PLD5: variants seen among roughly 807,000 people sequenced by gnomAD.
PLD5 encodes inactive phospholipase D5.
In PLD5, 36 loss-of-function variants were observed where a neutral mutation model predicts 61.1. The ratio of observed to expected loss-of-function variants is 0.59; its 90% CI spans 0.45 to 0.78. The LOEUF (loss-of-function observed/expected upper bound fraction) is 0.78, where lower values mean the gene tolerates loss of function less well. PLD5 is among the 30% of genes least tolerant of loss of function. The probability of loss-of-function intolerance (pLI) is 0.00; values close to 1 mark genes in which losing one functional copy is unlikely to be tolerated. For synonymous variants in PLD5, 243 were observed against 242.8 expected (o/e 1.00, Z -0.01); for missense variants, 515 against 644.4 (o/e 0.80, Z 2.17).
chr1:242,376,232 A>ATTCCTT (rs1661946198), intron 1 of PLD5, among the ~76,000 whole-genome samples: 1 of 152,144 alleles, frequency 6.6e-6, no homozygotes, highest in African/African-American at 2.4e-5. Context: ...GAACTGAGGA[A>ATTCCTT]ATCAGCCTTC....
At chr1:242,202,547 G>T (rs1434973182) in intron 5 of PLD5, among the ~76,000 whole-genome samples, 2 of 152,152 alleles carry the variant, frequency 1.3e-5, no homozygotes, top group Non-Finnish European at 2.9e-5. Context: ...TCCAGCCCAT[G>T]CCTGTGACAG....
chr1:242,454,358 C>G, intron 1 of PLD5, among the ~76,000 whole-genome samples: 1 of 149,002 alleles, frequency 6.7e-6, no homozygotes, highest in East Asian at 1.9e-4. Context: ...CAAATTTAAT[C>G]TCAAGCAAAC....
At chr1:242,353,998 G>GT (rs534771094) in intron 1 of PLD5, among the ~76,000 whole-genome samples, 5,694 of 145,590 alleles carry the variant, frequency 0.039, 232 homozygotes, top group African/African-American at 0.1. Context: ...AACTCTAACA[G>GT]TTTTTTTTTT....
At chr1:242,097,372 TA>T (rs1660329873) in intron 9 of PLD5, among the ~76,000 whole-genome samples, 2 of 152,212 alleles carry the variant, frequency 1.3e-5, no homozygotes, top group African/African-American at 4.8e-5. Context: ...ACCAACAGTG[TA>T]AAAGTGTTCC....
intron 1 of PLD5, among the ~76,000 whole-genome samples, chr1:242,504,419 G>A (rs1035662803): frequency 3.3e-5 from 5 of 152,104 alleles, no homozygotes; most frequent in Admixed American, 1.3e-4. Flanking sequence ...CAACCTCTAG[G>A]GCTCTGCAAT....
chr1:242,154,021 C>T (rs570895914), intron 5 of PLD5, among the ~76,000 whole-genome samples: 5 of 152,088 alleles, frequency 3.3e-5, no homozygotes, highest in Non-Finnish European at 7.4e-5. Context: ...TCTCTTATTT[C>T]CTTGAGCAGT....
intron 3 of PLD5, among the ~76,000 whole-genome samples, chr1:242,282,322 A>G (rs1473146709): frequency 1.3e-5 from 2 of 152,144 alleles, no homozygotes; most frequent in Non-Finnish European, 2.9e-5. Context: ...TAAGTAGGTC[A>G]AAAAACAAAA....
At chr1:242,206,065 A>T (rs1000131109) in intron 5 of PLD5, among the ~76,000 whole-genome samples, 1 of 152,212 alleles carries the variant, frequency 6.6e-6, no homozygotes, top group African/African-American at 2.4e-5. Flanking sequence ...AGCAGCTATG[A>T]TGAAATCAGT....
intron 1 of PLD5, among the ~76,000 whole-genome samples, chr1:242,492,249 C>T (rs1668180490): frequency 6.6e-6 from 1 of 152,050 alleles, no homozygotes. Flanking sequence ...ACGTGGCTCA[C>T]ACCTGTAATC....
chr1:242,529,940 C>T, the PLD5 span, among the ~76,000 whole-genome samples: 6 of 152,168 alleles, frequency 3.9e-5, no homozygotes, highest in East Asian at 1.9e-4. Flanking sequence ...ACAAACTCGG[C>T]GCACCACAAC....
At chr1:242,197,298 A>G (rs1444051277) in intron 5 of PLD5, among the ~76,000 whole-genome samples, 1 of 151,980 alleles carries the variant, frequency 6.6e-6, no homozygotes, top group Non-Finnish European at 1.5e-5. Flanking sequence ...GCCTTTTCCA[A>G]TCCATTTCCT....
intron 5 of PLD5, among the ~76,000 whole-genome samples, chr1:242,136,619 C>G (rs1442336160): frequency 6.6e-6 from 1 of 152,170 alleles, no homozygotes; most frequent in Non-Finnish European, 1.5e-5. Flanking sequence ...CAAAGCACTA[C>G]TCTGCTGAGG....
intron 5 of PLD5, among the ~76,000 whole-genome samples, chr1:242,139,749 T>G (rs138946135): frequency 2.0e-4 from 31 of 152,290 alleles, no homozygotes; most frequent in African/African-American, 5.8e-4. Context: ...GGGAGAGATG[T>G]CCTGTAATTC....
intron 5 of PLD5, among the ~76,000 whole-genome samples, chr1:242,178,955 A>G (rs996701922): frequency 3.9e-5 from 6 of 152,196 alleles, no homozygotes; most frequent in Non-Finnish European, 8.8e-5. Context: ...TCCAGAAATT[A>G]CCCAGGGAAC....
chr1:242,359,699 A>G (rs937134401), intron 1 of PLD5, among the ~76,000 whole-genome samples: 2 of 152,122 alleles, frequency 1.3e-5, no homozygotes, highest in Non-Finnish European at 2.9e-5. Context: ...CATGTGCTTC[A>G]GGTTCCTTGT....
At chr1:242,439,741 A>G (rs929492944) in intron 1 of PLD5, among the ~76,000 whole-genome samples, 2 of 152,202 alleles carry the variant, frequency 1.3e-5, no homozygotes, top group African/African-American at 4.8e-5. Context: ...CTCTGGATTG[A>G]AAACTCCATG....
chr1:242,397,382 A>G (rs1187016518), intron 1 of PLD5, among the ~76,000 whole-genome samples: 1 of 150,720 alleles, frequency 6.6e-6, no homozygotes, highest in Non-Finnish European at 1.5e-5. Context: ...TCAAGTCCTA[A>G]CTGCTCTAAC....
intron 7 of PLD5, among the ~76,000 whole-genome samples, chr1:242,109,821 A>T (rs1268701780): frequency 1.3e-5 from 2 of 151,396 alleles, no homozygotes; most frequent in Non-Finnish European, 2.9e-5. Context: ...GGGCTCTTTC[A>T]CCTAGTGTCT....
chr1:242,207,922 TTA>T lies in PLD5; in HGVS notation c.735+12064_735+12065del, dbSNP rs1558344589. ...TATATATTTATATATATTTATATATTTATATATATTTATATATTTATATATAT... is the reference window on the plus strand; with the variant it reads ...TATATATTTATATATATTTATATATTTATATATTTATATATTTATATATAT... On this transcript the variant is annotated intron_variant, in intron 5 of 9. Transcript: ENST00000536534. Among the ~76,000 whole-genome samples the T allele has an allele frequency of 2.4e-3, 94 of 38,424 alleles. 20 individuals carry two copies. Among genetic ancestry groups the T allele is most frequent in the African/African-American group, 0.011 (80 of 7,494 alleles). The allele number at this position is 38,424 out of a possible 152,430, so 25.2% of individuals were successfully genotyped here.
Sources: allele counts gnomAD v4.1 joint callset (sites outside exome capture counted in the v4.1 genomes callset), GRCh38; gene constraint gnomAD v4.1.1; transcripts MANE v1.5; gene names NCBI Gene and HGNC (gene_info 2026-07-23, HGNC 2026-07-21).